The following INPP5F variants were observed in gnomAD, a reference collection of about 807,000 sequenced individuals.
INPP5F encodes inositol polyphosphate-5-phosphatase F.
INPP5F carries 97 observed loss-of-function variants against 137.2 expected under a neutral mutation model. The observed-to-expected ratio is 0.71, with a 90% confidence interval of 0.60 to 0.84. The LOEUF is 0.84. Ranked by LOEUF, INPP5F falls within the 40% of genes least tolerant of loss-of-function variation. INPP5F has a pLI of 0.00. For missense variants in INPP5F, 1,271 were observed against 1,371.9 expected, an observed-to-expected ratio of 0.93 and a Z score of 1.16; for synonymous variants, 504 against 476.9, an observed-to-expected ratio of 1.06 and a Z score of -0.74.
At chr10:119,757,383 G>T (rs543396430) in intron 2 of INPP5F, among the ~76,000 whole-genome samples, 1,701 of 151,788 alleles carry the variant, frequency 0.011, 20 homozygotes, top group Non-Finnish European at 0.016. Context: ...TTATTAATAT[G>T]AGGAACAGAA....
intron 2 of INPP5F, among the ~76,000 whole-genome samples, chr10:119,775,276 G>T (rs1041874497): frequency 6.6e-6 from 1 of 151,780 alleles, no homozygotes; most frequent in African/African-American, 2.4e-5. Context: ...CTTTTTTTGA[G>T]GCAGCATCTC....
intron 1 of INPP5F, among the ~76,000 whole-genome samples, chr10:119,735,334 A>G (rs1212130306): frequency 5.9e-5 from 9 of 152,116 alleles, no homozygotes; most frequent in Non-Finnish European, 1.2e-4. Context: ...TTAACTTGAT[A>G]GTGGGATACT....
chr10:119,741,400 G>A (rs572491428), intron 1 of INPP5F, among the ~76,000 whole-genome samples: 2 of 152,120 alleles, frequency 1.3e-5, no homozygotes, highest in Non-Finnish European at 2.9e-5. Flanking sequence ...CCTGCTCCCT[G>A]TCTTATTCTG....
rs777283113 is a variant in INPP5F, at chr10:119,781,593, A to G, written c.179-42A>G. The G allele has an allele frequency of 9.6e-6, 15 of 1,555,940 alleles. No homozygotes were observed. The East Asian group carries it at 3.4e-4, about 35-fold the overall frequency. On this transcript the variant is annotated intron_variant, in intron 2 of 19. Transcript: ENST00000650623. Reference sequence around the variant, plus strand: ...ACCTTCAACTTGTCAGAACAGTAGCACTCTAAAAACGCCAGACTTTATTAT... The same window carrying G: ...ACCTTCAACTTGTCAGAACAGTAGCGCTCTAAAAACGCCAGACTTTATTAT...
At chr10:119,790,905 G>A (rs1850117541) in intron 3 of INPP5F, among the ~76,000 whole-genome samples, 1 of 152,150 alleles carries the variant, frequency 6.6e-6, no homozygotes, top group Non-Finnish European at 1.5e-5. Context: ...CTTGTCAGCT[G>A]TGCGGCACTT....
intron 15 of INPP5F, chr10:119,819,782 C>T (rs1207203654): frequency 5.8e-6 from 2 of 346,800 alleles, no homozygotes; most frequent in Admixed American, 4.6e-5. Context: ...GACTGTTGGA[C>T]TCAAGCTACA....
Position 119,800,739 on chromosome 10 carries a change from A to G in INPP5F, c.1116+2129A>G, listed in dbSNP as rs906345862. 2.2e-4 allele frequency among the ~76,000 whole-genome samples: 33 copies of G among 152,030 alleles called. 1 individual carries two copies. The highest frequency in any genetic ancestry group is 7.0e-4 in the African/African-American group (29 of 41,400). On this transcript the variant is annotated intron_variant, in intron 9 of 19. Transcript: ENST00000650623. ...TACTCAACACACCAGAATGGCTAAC[A>G]TAAAAAAGTTAAGAAGCTTAGGTAA... is the stretch of plus-strand genomic sequence containing the variant.
chr10:119,733,439 T>C (rs902623451), intron 1 of INPP5F, among the ~76,000 whole-genome samples: 1 of 152,198 alleles, frequency 6.6e-6, no homozygotes, highest in African/African-American at 2.4e-5. Flanking sequence ...AGCAGATGCA[T>C]TGACATGTGT....
In INPP5F at chr10:119,787,379, G is replaced by A. The variant is rs377412514; in HGVS notation, c.316-4138G>A. ...GCAAGCAGATAACTTGAGGTCAGGAGTTCAAGACCAGCCTGGCCAACATGG... is the reference window on the plus strand; with the variant it reads ...GCAAGCAGATAACTTGAGGTCAGGAATTCAAGACCAGCCTGGCCAACATGG... On this transcript the variant is annotated intron_variant, in intron 3 of 19. Coordinates refer to ENST00000650623, the MANE Select transcript of INPP5F (RefSeq NM_014937.4). The surrounding 1 kb of genome is among the most constrained non-coding windows in gnomAD (Gnocchi z 4.1). Among the ~76,000 whole-genome samples the A allele has an allele frequency of 6.6e-6, 1 of 152,302 alleles. No homozygotes were observed. Among genetic ancestry groups the A allele is most frequent in the East Asian group, 1.9e-4 (1 of 5,170 alleles).
intron 2 of INPP5F, among the ~76,000 whole-genome samples, chr10:119,752,597 A>C (rs1021817011): frequency 6.6e-6 from 1 of 151,796 alleles, no homozygotes; most frequent in Non-Finnish European, 1.5e-5. Flanking sequence ...AAAAAAAAAA[A>C]AAAAAAGAAA....
At chr10:119,760,384 G>A (rs1848975824) in intron 2 of INPP5F, among the ~76,000 whole-genome samples, 1 of 152,146 alleles carries the variant, frequency 6.6e-6, no homozygotes, top group South Asian at 2.1e-4. Context: ...AGGCTACAGT[G>A]TGCTATGATC....
chr10:119,782,633 T>C (rs1163944843), intron 3 of INPP5F, among the ~76,000 whole-genome samples: 53 of 152,046 alleles, frequency 3.5e-4, no homozygotes, highest in Admixed American at 3.5e-3. Flanking sequence ...CTGGGCAACA[T>C]AGCCAGACCT....
chr10:119,821,501 C>T (rs1398909335), intron 16 of INPP5F, among the ~76,000 whole-genome samples: 2 of 152,140 alleles, frequency 1.3e-5, no homozygotes, highest in South Asian at 2.1e-4. Context: ...CACACCTTAC[C>T]AGAATTGTTC....
chr10:119,734,908 A>G lies in INPP5F; in HGVS notation c.97+8549A>G, dbSNP rs946872008. Among the ~76,000 whole-genome samples, 4 of 147,132 alleles carry G rather than the reference A, an allele frequency of 2.7e-5. No homozygotes were observed. In the South Asian group the frequency reaches 8.5e-4, roughly 31 times the overall value. On this transcript the variant is annotated intron_variant, in intron 1 of 19. Transcript: ENST00000650623. The stretch of plus-strand genomic sequence containing the variant: ...TCCTTAGCTGATGTAAGTCATAATC[A>G]TTATGTGTCAGCTGCCCATAATTGA...
intron 3 of INPP5F, among the ~76,000 whole-genome samples, chr10:119,782,940 C>T (rs1849757407): frequency 6.6e-6 from 1 of 152,200 alleles, no homozygotes; most frequent in East Asian, 1.9e-4. Flanking sequence ...AAAAATAAAA[C>T]TATTTTTATG....
intron 9 of INPP5F, among the ~76,000 whole-genome samples, chr10:119,803,286 C>T (rs1471048445): frequency 6.6e-6 from 1 of 152,116 alleles, no homozygotes; most frequent in African/African-American, 2.4e-5. Flanking sequence ...TATTTAGATT[C>T]TTAATGCATC....
intron 1 of INPP5F, among the ~76,000 whole-genome samples, chr10:119,732,701 G>A (rs865924241): frequency 2.2e-4 from 34 of 151,510 alleles, no homozygotes; most frequent in African/African-American, 6.8e-4. Context: ...GGGTTTCGCC[G>A]TATTGGCCAG....
At chr10:119,765,843 ATC>A (rs1363377416) in intron 2 of INPP5F, among the ~76,000 whole-genome samples, 22 of 130,338 alleles carry the variant, frequency 1.7e-4, no homozygotes, top group South Asian at 1.2e-3. Context: ...ATACTAATTA[ATC>A]TCTCTGTATA....
At chr10:119,793,971 T>G (rs1464997426) in intron 6 of INPP5F, among the ~76,000 whole-genome samples, 1 of 152,254 alleles carries the variant, frequency 6.6e-6, no homozygotes, top group African/African-American at 2.4e-5. Flanking sequence ...TAATCAGTAC[T>G]CTCCTAATTA....
Sources: allele counts gnomAD v4.1 joint callset (sites outside exome capture counted in the v4.1 genomes callset), GRCh38; gene constraint gnomAD v4.1.1; non-coding constraint Gnocchi (gnomAD v3.1); transcripts MANE v1.5; gene names NCBI Gene and HGNC (gene_info 2026-07-23, HGNC 2026-07-21).